Variants in MNAT1 observed in about 807,000 individuals in gnomAD.
MNAT1 encodes MNAT1 component of CDK activating kinase, also known as CDK-activating kinase assembly factor MAT1.
MNAT1 carries 43 observed loss-of-function variants against 42.0 expected under a neutral mutation model. The ratio of observed to expected loss-of-function variants is 1.02; its 90% CI spans 0.80 to 1.32. The LOEUF (loss-of-function observed/expected upper bound fraction) is 1.32. Ranked by LOEUF, MNAT1 falls within the 40% of genes most tolerant of loss-of-function variation. MNAT1 has a pLI of 0.00. For missense variants in MNAT1, 306 were observed against 350.4 expected, an observed-to-expected ratio of 0.87 and a Z score of 1.01; for synonymous variants, 118 against 120.0, an observed-to-expected ratio of 0.98 and a Z score of 0.11.
chr14:60,819,083 C>A (rs4151231), intron 6 of MNAT1, among the ~76,000 whole-genome samples: 83 of 152,090 alleles, frequency 5.5e-4, no homozygotes, highest in East Asian at 5.0e-3. Flanking sequence ...GACTTTCTTA[C>A]TCTACTTACA....
intron 3 of MNAT1, among the ~76,000 whole-genome samples, chr14:60,799,823 G>A (rs139949180): frequency 1.9e-3 from 288 of 151,892 alleles, no homozygotes; most frequent in African/African-American, 6.8e-3. Context: ...GAATTGATAG[G>A]CAAGAGCAAG....
intron 1 of MNAT1, among the ~76,000 whole-genome samples, chr14:60,787,362 T>TAAAAA (rs2031683662): frequency 6.6e-6 from 1 of 152,170 alleles, no homozygotes; most frequent in Admixed American, 6.5e-5. Context: ...AAAATATACT[T>TAAAAA]TACTGCTAAA....
At chr14:60,831,309 CTAA>C (rs2033208520) in intron 6 of MNAT1, among the ~76,000 whole-genome samples, 1 of 152,096 alleles carries the variant, frequency 6.6e-6, no homozygotes, top group South Asian at 2.1e-4. Context: ...GGTATTTCTT[CTAA>C]TGCTATCCCT....
intron 7 of MNAT1, among the ~76,000 whole-genome samples, chr14:60,916,596 A>G (rs964178935): frequency 3.3e-5 from 5 of 152,174 alleles, no homozygotes; most frequent in African/African-American, 1.2e-4. Context: ...TCGAGGCTGC[A>G]GTGAGCCAAG....
At chr14:60,934,127 A>T (rs1376155751) in intron 7 of MNAT1, among the ~76,000 whole-genome samples, 1 of 152,204 alleles carries the variant, frequency 6.6e-6, no homozygotes. Flanking sequence ...GTTGTTGACA[A>T]TTCATTCGTA....
intron 7 of MNAT1, among the ~76,000 whole-genome samples, chr14:60,882,922 A>C (rs8004789): frequency 0.94 from 143,366 of 152,184 alleles, 67,850 homozygotes; most frequent in Non-Finnish European, 0.99. Context: ...CCCATTTTTA[A>C]GTTGGATTAT....
At chr14:60,849,169 A>C (rs1005326747) in intron 6 of MNAT1, among the ~76,000 whole-genome samples, 11 of 152,238 alleles carry the variant, frequency 7.2e-5, no homozygotes, top group South Asian at 2.1e-4. Context: ...AATACTTTGC[A>C]CATTTGAGAA....
chr14:60,951,215 C>T (rs1218215947), intron 7 of MNAT1, among the ~76,000 whole-genome samples: 1 of 149,708 alleles, frequency 6.7e-6, no homozygotes, highest in Non-Finnish European at 1.5e-5. Flanking sequence ...ATCTTTCCTC[C>T]TTCTGAACAA....
intron 6 of MNAT1, among the ~76,000 whole-genome samples, chr14:60,861,181 A>G (rs2034086341): frequency 6.6e-6 from 1 of 152,188 alleles, no homozygotes; most frequent in Admixed American, 6.5e-5. Flanking sequence ...ATTTGAAGAT[A>G]TAACACTTGA....
At chr14:60,818,004 G>C (rs973685810) in intron 5 of MNAT1, among the ~76,000 whole-genome samples, 9 of 151,874 alleles carry the variant, frequency 5.9e-5, no homozygotes, top group Non-Finnish European at 1.2e-4. Flanking sequence ...ACTCAGAAAG[G>C]AAAATGTCTG....
chr14:60,936,377 C>G (rs1285850112), intron 7 of MNAT1, among the ~76,000 whole-genome samples: 3 of 118,298 alleles, frequency 2.5e-5, no homozygotes, highest in African/African-American at 9.5e-5. Flanking sequence ...TATCCCTCCC[C>G]CCTCCCCCCA....
At chr14:60,932,332 G>A (rs2035906960) in intron 7 of MNAT1, among the ~76,000 whole-genome samples, 1 of 151,838 alleles carries the variant, frequency 6.6e-6, no homozygotes, top group Non-Finnish European at 1.5e-5. Context: ...TTATGCTATA[G>A]GTGTTCATTG....
At chr14:60,958,888 C>G (rs1303963228) in intron 7 of MNAT1, among the ~76,000 whole-genome samples, 2 of 152,110 alleles carry the variant, frequency 1.3e-5, no homozygotes, top group Non-Finnish European at 2.9e-5. Flanking sequence ...ATCTGCCTGC[C>G]TCGGCCTCCC....
At chr14:60,936,842 A>G (rs1449996535) in intron 7 of MNAT1, among the ~76,000 whole-genome samples, 1 of 152,162 alleles carries the variant, frequency 6.6e-6, no homozygotes, top group Non-Finnish European at 1.5e-5. Flanking sequence ...AGTCCCACCA[A>G]CAGTGTAAAA....
chr14:60,793,734 T>G (rs2031905281), intron 1 of MNAT1, among the ~76,000 whole-genome samples: 1 of 152,078 alleles, frequency 6.6e-6, no homozygotes, highest in Non-Finnish European at 1.5e-5. Context: ...GAAAAAGATG[T>G]GGCCACACAA....
intron 7 of MNAT1, among the ~76,000 whole-genome samples, chr14:60,930,206 T>TTTATTA (rs71114168): frequency 0.33 from 46,295 of 138,424 alleles, 8,461 homozygotes; most frequent in Non-Finnish European, 0.4. Context: ...TTCTTCCGTC[T>TTTATTA]TTATTATTAT....
chr14:60,862,041 C>T (rs1261941249), intron 6 of MNAT1, among the ~76,000 whole-genome samples: 1 of 152,098 alleles, frequency 6.6e-6, no homozygotes, highest in Admixed American at 6.6e-5. Context: ...AAAGAAAACA[C>T]AAGACAGTAT....
At chr14:60,835,916 G>A (rs552964925) in intron 6 of MNAT1, among the ~76,000 whole-genome samples, 169 of 152,248 alleles carry the variant, frequency 1.1e-3, no homozygotes, top group Non-Finnish European at 1.9e-3. Context: ...ATATTTCTTG[G>A]AGGCTTTGTT....
rs928824543 is a variant in MNAT1, at chr14:60,749,029, T to C, written c.89+14078T>C. 2.0e-4 allele frequency among the ~76,000 whole-genome samples: 30 copies of C among 152,212 alleles called. 1 individual carries two copies. The highest frequency in any genetic ancestry group is 1.5e-5 in the Non-Finnish European group (1 of 68,028). On this transcript the variant is annotated intron_variant, in intron 1 of 7. Transcript: ENST00000261245. ...GGATGGCTACGAAGTCATTAGGTGA[T>C]AGGAATTTTTCAGCTGTATTATAAT...
Sources: allele counts gnomAD v4.1 joint callset (sites outside exome capture counted in the v4.1 genomes callset), GRCh38; gene constraint gnomAD v4.1.1; transcripts MANE v1.5; gene names NCBI Gene and HGNC (gene_info 2026-07-23, HGNC 2026-07-21).